Variants in FOXP2 observed in about 807,000 individuals in gnomAD.
FOXP2 encodes forkhead box protein P2.
Under a neutral mutation model 115.8 loss-of-function variants are expected in FOXP2, and 12 were observed. The observed-to-expected ratio is 0.10, with a 90% confidence interval of 0.07 to 0.17. FOXP2 has a LOEUF of 0.17. Ranked by LOEUF, FOXP2 falls within the 10% of genes least tolerant of loss-of-function variation. The pLI is 1.00. For synonymous variants in FOXP2, 328 were observed against 297.7 expected (o/e 1.10, Z -1.05); for missense variants, 629 against 843.5 (o/e 0.75, Z 3.15).
chr7:114,566,997 C>T (rs573574462), intron 3 of FOXP2, among the ~76,000 whole-genome samples: 21 of 152,018 alleles, frequency 1.4e-4, no homozygotes, highest in African/African-American at 4.3e-4. Flanking sequence ...CCTATATTAA[C>T]GTCTTGCTTT....
chr7:114,319,179 C>T (rs1797347170), intron 2 of FOXP2, among the ~76,000 whole-genome samples: 2 of 151,846 alleles, frequency 1.3e-5, no homozygotes, highest in Non-Finnish European at 1.5e-5. Flanking sequence ...GCGGGTCCCT[C>T]ACGTGGGAAA....
At chr7:114,467,968 G>T (rs60540177) in intron 2 of FOXP2, among the ~76,000 whole-genome samples, 2 of 151,774 alleles carry the variant, frequency 1.3e-5, no homozygotes, top group East Asian at 1.9e-4. Context: ...AATGCTACTC[G>T]TCCCCAAAGG....
chr7:114,407,663 A>G lies in FOXP2; in HGVS notation c.-10-18839A>G, dbSNP rs537599423. Among the ~76,000 whole-genome samples the G allele has an allele frequency of 3.9e-5, 6 of 152,276 alleles. No homozygotes were observed. In the South Asian group the frequency reaches 1.2e-3, roughly 32 times the overall value. The stretch of plus-strand genomic sequence containing the variant: ...AAAAAAAGGATTACATTTATGAGCA[A>G]ACAGTGCTTTTCTAAAGCATATATT... On this transcript the variant is annotated intron_variant, in intron 2 of 17. Transcript: ENST00000634411.
At chr7:114,576,541 T>C (rs1584914728) in intron 3 of FOXP2, among the ~76,000 whole-genome samples, 3 of 151,890 alleles carry the variant, frequency 2.0e-5, no homozygotes, top group African/African-American at 7.2e-5. Context: ...GTGGCAGAAA[T>C]TGGGGGCTGA....
intron 1 of FOXP2, among the ~76,000 whole-genome samples, chr7:114,281,855 C>A (rs1232158761): frequency 6.6e-6 from 1 of 151,898 alleles, no homozygotes; most frequent in Non-Finnish European, 1.5e-5. Context: ...GTGAATGTAT[C>A]TTCTTAATGG....
At position 114,171,594 on chromosome 7, in the gene FOXP2, T is replaced by C. The variant is rs78611511; in HGVS notation, c.-102+8506T>C. On this transcript the variant is annotated intron_variant, in intron 1 of 17. Coordinates refer to the FOXP2 transcript ENST00000634411. Reference sequence around the variant, plus strand: ...CTAAAAATAAGAATAAAAAATGATGTATTTGGTCACCCAAGAGCTCCAATG... The same window carrying C: ...CTAAAAATAAGAATAAAAAATGATGCATTTGGTCACCCAAGAGCTCCAATG... Among the ~76,000 whole-genome samples, 1,460 of 152,198 alleles carry C rather than the reference T, an allele frequency of 9.6e-3. 32 individuals carry two copies. The highest frequency in any genetic ancestry group is 0.033 in the African/African-American group (1,388 of 41,526).
At chr7:114,555,845 T>A (rs563954623) in intron 3 of FOXP2, among the ~76,000 whole-genome samples, 2 of 152,036 alleles carry the variant, frequency 1.3e-5, no homozygotes, top group South Asian at 4.2e-4. Context: ...AAGGAAGGGA[T>A]GAAAGTTACA....
At chr7:114,558,043 G>A (rs537179223) in intron 3 of FOXP2, among the ~76,000 whole-genome samples, 4 of 152,108 alleles carry the variant, frequency 2.6e-5, no homozygotes, top group Non-Finnish European at 4.4e-5. Context: ...TCCTGACCTC[G>A]TGATCCACCC....
At chr7:114,171,100 G>A (rs1032518640) in intron 1 of FOXP2, among the ~76,000 whole-genome samples, 2 of 152,154 alleles carry the variant, frequency 1.3e-5, no homozygotes, top group African/African-American at 4.8e-5. Context: ...TTACCATTTT[G>A]AAAATCCTAG....
At chr7:114,366,884 A>G (rs1423319990) in intron 2 of FOXP2, among the ~76,000 whole-genome samples, 1 of 151,920 alleles carries the variant, frequency 6.6e-6, no homozygotes. Flanking sequence ...GATTCAGGGG[A>G]ATTATACTAC....
At chr7:114,495,388 G>A (rs1418978686) in intron 2 of FOXP2, among the ~76,000 whole-genome samples, 1 of 149,362 alleles carries the variant, frequency 6.7e-6, no homozygotes, top group South Asian at 2.1e-4. Flanking sequence ...AGTAACTGCT[G>A]TAATGTATTT....
intron 2 of FOXP2, among the ~76,000 whole-genome samples, chr7:114,400,865 G>T (rs1792872495): frequency 1.3e-5 from 2 of 152,018 alleles, no homozygotes; most frequent in South Asian, 4.1e-4. Context: ...ACTGCAATGG[G>T]GTCTTGCAGT....
chr7:114,210,344 T>G (rs1054280033), intron 1 of FOXP2, among the ~76,000 whole-genome samples: 1 of 152,170 alleles, frequency 6.6e-6, no homozygotes, highest in Non-Finnish European at 1.5e-5. Context: ...TTTTTTGTTG[T>G]TGGTCTTCTT....
At position 114,132,541 on chromosome 7, in the gene FOXP2, TTGTGTGTGTGTGTG is replaced by T. The variant is rs145500210; in HGVS notation, c.-246-30374_-246-30361del. ...AGAAAAATAAAATAGAAAAGATAAA[TTGTGTGTGTGTGTG>T]TGTGTGTGTGTGTGTGTGTGTGTGT... On this transcript the variant is annotated intron_variant, in intron 1 of 19. Coordinates refer to the FOXP2 transcript ENST00000635638. Among the ~76,000 whole-genome samples the T allele has an allele frequency of 1.0e-3, 94 of 90,660 alleles. 2 individuals carry two copies. The highest frequency in any genetic ancestry group is 4.6e-3 in the African/African-American group (87 of 18,902). 59.5% of individuals were successfully genotyped at this position (90,660 alleles called of 152,430 possible). A position where few individuals can be genotyped will look rare whatever the true frequency, so the allele number is the denominator to read the frequency against.
At chr7:114,284,810 C>T (rs189726463) in intron 1 of FOXP2, among the ~76,000 whole-genome samples, 109 of 152,178 alleles carry the variant, frequency 7.2e-4, no homozygotes, top group African/African-American at 2.5e-3. Flanking sequence ...TCAACCTAAA[C>T]GCTCATCAAC....
At chr7:114,542,666 A>G (rs1029310721) in intron 3 of FOXP2, among the ~76,000 whole-genome samples, 1 of 152,188 alleles carries the variant, frequency 6.6e-6, no homozygotes, top group African/African-American at 2.4e-5. Flanking sequence ...TTAAATGGTC[A>G]GTTCTTCTAA....
intron 2 of FOXP2, among the ~76,000 whole-genome samples, chr7:114,337,253 A>G (rs1797874901): frequency 6.6e-6 from 1 of 151,384 alleles, no homozygotes; most frequent in South Asian, 2.1e-4. Flanking sequence ...AATTTTCTTT[A>G]GAAGTCTGGA....
chr7:114,423,635 T>A (rs1325014915), intron 1 of FOXP2, among the ~76,000 whole-genome samples: 1 of 151,658 alleles, frequency 6.6e-6, no homozygotes, highest in Non-Finnish European at 1.5e-5. Context: ...AATGAATAAT[T>A]TAGCTTGGTA....
chr7:114,365,712 G>A (rs549851082), intron 2 of FOXP2, among the ~76,000 whole-genome samples: 1 of 151,926 alleles, frequency 6.6e-6, no homozygotes, highest in African/African-American at 2.4e-5. Context: ...AAACTGTGGC[G>A]CAGTACGATT....
Sources: gnomAD v4.1 joint callset for allele counts (sites outside exome capture counted in the v4.1 genomes callset) on GRCh38, gnomAD v4.1.1 for gene constraint, MANE v1.5 for transcripts, NCBI Gene and HGNC (gene_info 2026-07-23, HGNC 2026-07-21) for gene names.